ZNF428: variants seen among roughly 807,000 people sequenced by gnomAD.
The protein encoded by ZNF428 is zinc finger protein 428.
Under a neutral mutation model 15.6 loss-of-function variants are expected in ZNF428, and 5 were observed. That is an observed-to-expected ratio of 0.32 (90% CI 0.17 to 0.67). The LOEUF is 0.67. Ranked by LOEUF, ZNF428 falls within the 30% of genes least tolerant of loss-of-function variation. The probability of loss-of-function intolerance (pLI) is 0.73; values close to 1 mark genes in which losing one functional copy is unlikely to be tolerated. For synonymous variants in ZNF428, 97 were observed against 102.2 expected (o/e 0.95, Z 0.31); for missense variants, 237 against 256.0 (o/e 0.93, Z 0.51).
At chr19:43,618,890 C>T (rs549755265) in intron 1 of ZNF428, among the ~76,000 whole-genome samples, 134 of 152,252 alleles carry the variant, frequency 8.8e-4, no homozygotes, top group African/African-American at 3.1e-3. Context: ...TCAGCCTACA[C>T]TTTTCCAAGC....
chr19:43,613,777 C>A (rs755892279), intron 2 of ZNF428: 2 of 1,549,744 alleles, frequency 1.3e-6, no homozygotes, highest in African/African-American at 1.4e-5. Flanking sequence ...GAAGCCCCAG[C>A]GAGGAGAGAG....
chr19:43,611,675 T>C (rs1360954385), intron 2 of ZNF428, among the ~76,000 whole-genome samples: 2 of 152,186 alleles, frequency 1.3e-5, no homozygotes, highest in Admixed American at 6.5e-5. Context: ...GCCAAGCTCA[T>C]GTCACCTCCT....
chr19:43,611,858 C>A (rs1199642511), intron 2 of ZNF428, among the ~76,000 whole-genome samples: 1 of 152,214 alleles, frequency 6.6e-6, no homozygotes, highest in Non-Finnish European at 1.5e-5. Flanking sequence ...TCTCTGTGTC[C>A]CCAGCAATGC....
In ZNF428 at chr19:43,617,150, C is replaced by T. The variant is rs112795971; in HGVS notation, c.-131+2408G>A. ...CCTTTTCACCCTTCAAAGCCCACCA[C>T]AAACATAAGAACCTCTATACTTCTT... On this transcript the variant is annotated intron_variant, in intron 1 of 2. Coordinates refer to ENST00000300811, the MANE Select transcript of ZNF428 (RefSeq NM_182498.4). Among the ~76,000 whole-genome samples the T allele has an allele frequency of 2.0e-3, 303 of 152,162 alleles. 3 individuals are homozygous for T. Among genetic ancestry groups the T allele is most frequent in the African/African-American group, 6.7e-3 (280 of 41,526 alleles).
intron 2 of ZNF428, chr19:43,613,471 C>A: frequency 6.5e-7 from 1 of 1,544,686 alleles, no homozygotes; most frequent in Middle Eastern, 1.7e-4. Context: ...GAGATCGCAG[C>A]CGATCTAGAA....
intron 2 of ZNF428, among the ~76,000 whole-genome samples, chr19:43,609,666 C>T (rs528843728): frequency 4.6e-5 from 7 of 151,328 alleles, no homozygotes; most frequent in Admixed American, 1.3e-4. Flanking sequence ...TGCTCGAACC[C>T]GGGAGGCGGA....
chr19:43,615,129 G>T (rs1434350180), intron 1 of ZNF428, among the ~76,000 whole-genome samples: 3 of 152,038 alleles, frequency 2.0e-5, no homozygotes, highest in Non-Finnish European at 4.4e-5. Context: ...CCCTCAAACT[G>T]TGTTTTTCCT....
intron 2 of ZNF428, among the ~76,000 whole-genome samples, chr19:43,609,164 T>C (rs768810490): frequency 6.6e-6 from 1 of 152,044 alleles, no homozygotes; most frequent in African/African-American, 2.4e-5. Flanking sequence ...CTATCCCCAG[T>C]TGATGGATGT....
In ZNF428 at chr19:43,613,453, C is replaced by T. The variant is rs955602321; in HGVS notation, c.76+776G>A. 7 of 1,548,536 alleles carry T rather than the reference C, an allele frequency of 4.5e-6. No individual in the cohort carries two copies. The Admixed American group carries it at 1.4e-4, about 31-fold the overall frequency. Reference sequence around the variant, plus strand: ...ATTGCAGCCGATCTAGAAGTCCCTACAAGGCGAGAGATCGCAGCCGATCTA... The same window carrying T: ...ATTGCAGCCGATCTAGAAGTCCCTATAAGGCGAGAGATCGCAGCCGATCTA... On this transcript the variant is annotated intron_variant, in intron 2 of 2. Coordinates refer to ENST00000300811, the MANE Select transcript of ZNF428 (RefSeq NM_182498.4).
At position 43,614,341 on chromosome 19, in the gene ZNF428, C is replaced by T. The variant is rs1159064463; in HGVS notation, c.-37G>A. ...GGGACAGGAGACAGGAGCAGAGCAG[C>T]AGCTGAGCAGCGTCCCTCCCCGGCC... On this transcript the variant is annotated 5_prime_UTR_variant, in exon 2 of 3. Coordinates refer to ENST00000300811, the MANE Select transcript of ZNF428 (RefSeq NM_182498.4). 1 of 1,560,194 alleles carries T rather than the reference C, an allele frequency of 6.4e-7. No individual in the cohort carries two copies. Among genetic ancestry groups the T allele is most frequent in the South Asian group, 1.2e-5 (1 of 81,820 alleles).
intron 2 of ZNF428, chr19:43,611,942 G>A: frequency 1.6e-6 from 1 of 616,182 alleles, no homozygotes; most frequent in South Asian, 2.0e-5. Flanking sequence ...GCCTCAGGCT[G>A]GGACCCCTCC....
At chr19:43,608,159 GGCCAAGCT>G (rs1350853990) in intron 2 of ZNF428, 52 bp from the exon 3 acceptor site, 2 of 1,562,756 alleles carry the variant, frequency 1.3e-6, no homozygotes, top group African/African-American at 2.7e-5. Context: ...AAGAGGGCTA[GGCCAAGCT>G]GTCCCCTCCC....
In ZNF428 at chr19:43,612,808, GA is replaced by G; in HGVS notation, c.76+1420del. On this transcript the variant is annotated intron_variant, in intron 2 of 2. Transcript: ENST00000300811. The surrounding 1 kb of genome is among the most constrained non-coding windows in gnomAD (Gnocchi z 4.2). ...CCCCGACTGGAATTCCCTCCAAGGA[GA>G]AGAGTGACAACCCATCTCCATCCTC... is the stretch of plus-strand genomic sequence containing the variant. The G allele has an allele frequency of 6.4e-7, 1 of 1,551,584 alleles. No homozygotes were observed. Among genetic ancestry groups the G allele is most frequent in the Non-Finnish European group, 8.7e-7 (1 of 1,146,932 alleles).
At chr19:43,610,372 G>A (rs1231260918) in intron 2 of ZNF428, among the ~76,000 whole-genome samples, 1 of 151,810 alleles carries the variant, frequency 6.6e-6, no homozygotes, top group Non-Finnish European at 1.5e-5. Flanking sequence ...GGTAATTTTT[G>A]TATTTTTAGT....
At chr19:43,608,169 T>TC in intron 2 of ZNF428, 62 bp from the exon 3 acceptor site, 1 of 1,549,718 alleles carries the variant, frequency 6.5e-7, no homozygotes, top group Non-Finnish European at 8.7e-7. Flanking sequence ...GGCCAAGCTG[T>TC]CCCCTCCCTG....
chr19:43,616,370 T>C (rs1270751386), intron 1 of ZNF428, among the ~76,000 whole-genome samples: 1 of 152,146 alleles, frequency 6.6e-6, no homozygotes. Context: ...TCTAGCTGTG[T>C]AGCACCAAGC....
intron 1 of ZNF428, among the ~76,000 whole-genome samples, chr19:43,615,395 CTT>C (rs869202952): frequency 6.6e-6 from 1 of 151,970 alleles, no homozygotes; most frequent in African/African-American, 2.4e-5. Context: ...CCACACCCGA[CTT>C]TTTTAAAAAA....
intron 2 of ZNF428, among the ~76,000 whole-genome samples, chr19:43,611,805 A>G (rs1973300218): frequency 6.6e-6 from 1 of 151,806 alleles, no homozygotes; most frequent in South Asian, 2.1e-4. Context: ...CTCCCCACCC[A>G]CTGACTATGG....
chr19:43,613,003 T>C (rs1973320233), intron 2 of ZNF428: 1 of 1,551,408 alleles, frequency 6.4e-7, no homozygotes, highest in Non-Finnish European at 8.7e-7. Context: ...GAAGTGGCAG[T>C]CAGAAGAGGA....
Sources: allele counts gnomAD v4.1 joint callset (sites outside exome capture counted in the v4.1 genomes callset), GRCh38; gene constraint gnomAD v4.1.1; non-coding constraint Gnocchi (gnomAD v3.1); transcripts MANE v1.5; gene names NCBI Gene and HGNC (gene_info 2026-07-23, HGNC 2026-07-21).